The following CDH18 variants were observed in gnomAD, a reference collection of about 807,000 sequenced individuals.
The protein encoded by CDH18 is cadherin-18.
CDH18 carries 31 observed loss-of-function variants against 67.9 expected under a neutral mutation model. That is an observed-to-expected ratio of 0.46 (90% confidence interval 0.34 to 0.62). CDH18 has a LOEUF of 0.62. CDH18 is among the 20% of genes least tolerant of loss of function. The pLI is 0.01. For synonymous variants in CDH18, 362 were observed against 347.2 expected (o/e 1.04, Z -0.48); for missense variants, 890 against 975.5 (o/e 0.91, Z 1.17).
At chr5:20,368,002 G>A (rs1742661953) in intron 1 of CDH18, among the ~76,000 whole-genome samples, 2 of 152,090 alleles carry the variant, frequency 1.3e-5, no homozygotes, top group South Asian at 4.2e-4. Context: ...TGAGGGCAAA[G>A]GTACTTTTTA....
rs1329638433 is a variant in CDH18 at position 20,044,840 on chromosome 5, T to C, written c.-517-52826A>G. On this transcript the variant is annotated intron_variant, in intron 2 of 14. Coordinates refer to the CDH18 transcript ENST00000507958. ...GCCTTCCCAAGGTCATGTGTGGATA[T>C]TGGTGGATTATTATACTCAAAATAT... Among the ~76,000 whole-genome samples, 7 of 152,292 alleles carry C rather than the reference T, an allele frequency of 4.6e-5. No individual in the cohort carries two copies. The East Asian group carries it at 9.6e-4, about 21-fold the overall frequency.
intron 2 of CDH18, among the ~76,000 whole-genome samples, chr5:20,002,095 A>G (rs1736493075): frequency 6.6e-6 from 1 of 152,192 alleles, no homozygotes; most frequent in Admixed American, 6.5e-5. Flanking sequence ...TTTCCTTATC[A>G]CATTCCTCAA....
chr5:19,616,646 T>G (rs928543207), intron 5 of CDH18, among the ~76,000 whole-genome samples: 2 of 152,226 alleles, frequency 1.3e-5, no homozygotes, highest in African/African-American at 4.8e-5. Flanking sequence ...CCCAGAAATT[T>G]TGATTTAGTA....
At chr5:19,729,937 T>C (rs1035275894) in intron 4 of CDH18, among the ~76,000 whole-genome samples, 3 of 152,152 alleles carry the variant, frequency 2.0e-5, no homozygotes, top group African/African-American at 7.2e-5. Context: ...AAGTTATAGA[T>C]GGAAACTGAA....
At chr5:20,345,878 C>A (rs893559190) in intron 1 of CDH18, among the ~76,000 whole-genome samples, 1 of 152,000 alleles carries the variant, frequency 6.6e-6, no homozygotes, top group African/African-American at 2.4e-5. Context: ...CGGGGGCCAC[C>A]CTCAAAAAAG....
intron 2 of CDH18, among the ~76,000 whole-genome samples, chr5:19,911,494 T>C (rs1791141249): frequency 6.6e-6 from 1 of 152,120 alleles, no homozygotes; most frequent in Non-Finnish European, 1.5e-5. Flanking sequence ...AATTGGATGA[T>C]ATTTGGAAAT....
chr5:20,496,046 T>C (rs1338944901), intron 1 of CDH18, among the ~76,000 whole-genome samples: 4 of 151,998 alleles, frequency 2.6e-5, no homozygotes, highest in Non-Finnish European at 4.4e-5. Context: ...ATTATTGAGT[T>C]GAGAAGAGAA....
chr5:20,303,248 G>C (rs565148822), intron 1 of CDH18, among the ~76,000 whole-genome samples: 6 of 152,140 alleles, frequency 3.9e-5, no homozygotes, highest in African/African-American at 1.4e-4. Context: ...CATTTCGTAA[G>C]GGTTCACTCT....
At chr5:20,339,066 C>G (rs1740028489) in intron 1 of CDH18, among the ~76,000 whole-genome samples, 1 of 152,136 alleles carries the variant, frequency 6.6e-6, no homozygotes, top group Admixed American at 6.6e-5. Flanking sequence ...CCCAAGGACA[C>G]TCTGAATGGG....
rs1554024291 is a variant in CDH18, at chr5:19,755,427, G to GTGTATATATATA, written c.229-8192_229-8191insTATATATATACA. Among the ~76,000 whole-genome samples, 150 of 44,658 alleles carry GTGTATATATATA rather than the reference G, an allele frequency of 3.4e-3. 1 individual carries two copies. The highest frequency in any genetic ancestry group is 9.3e-3 in the African/African-American group (145 of 15,674). 29.3% of individuals were successfully genotyped at this position (44,658 alleles called of 152,430 possible). On this transcript the variant is annotated intron_variant, in intron 3 of 12. Coordinates refer to ENST00000382275, the MANE Select transcript of CDH18 (RefSeq NM_004934.5). The stretch of plus-strand genomic sequence containing the variant: ...TCTCTAGAGGGACAGAACTAACAGG[G>GTGTATATATATA]TATGTATATATATATATATATATAT...
At chr5:20,231,434 C>A (rs544902490) in intron 2 of CDH18, among the ~76,000 whole-genome samples, 1 of 152,004 alleles carries the variant, frequency 6.6e-6, no homozygotes, top group South Asian at 2.1e-4. Context: ...AACCCCGTCT[C>A]TACTAAAAAT....
chr5:19,773,827 A>G (rs1225676464), intron 3 of CDH18, among the ~76,000 whole-genome samples: 1 of 152,182 alleles, frequency 6.6e-6, no homozygotes, highest in Non-Finnish European at 1.5e-5. Context: ...GAACTATAAA[A>G]CCTAAAAGGA....
rs1737585348 is a variant in CDH18 at position 20,317,536 on chromosome 5, A to G, written c.-579-62031T>C. 2.6e-5 allele frequency among the ~76,000 whole-genome samples: 4 copies of G among 152,260 alleles called. No homozygotes were observed. In the South Asian group the frequency reaches 8.3e-4, roughly 32 times the overall value. On this transcript the variant is annotated intron_variant, in intron 1 of 14. Coordinates refer to the CDH18 transcript ENST00000507958. ...CACATATCTATATGGGGGCAAAATC[A>G]TCTTTCATTGTTTTACATAAACAAT...
At chr5:19,758,690 A>G (rs1771952232) in intron 3 of CDH18, among the ~76,000 whole-genome samples, 1 of 152,238 alleles carries the variant, frequency 6.6e-6, no homozygotes, top group African/African-American at 2.4e-5. Context: ...AGGAGGTGCC[A>G]AATGCAGCAA....
chr5:20,368,006 C>A (rs76208329), intron 1 of CDH18, among the ~76,000 whole-genome samples: 2,538 of 152,172 alleles, frequency 0.017, 27 homozygotes, highest in Admixed American at 0.023. Context: ...GGCAAAGGTA[C>A]TTTTTATATT....
chr5:20,133,117 T>C (rs1288495415), intron 2 of CDH18, among the ~76,000 whole-genome samples: 1 of 152,224 alleles, frequency 6.6e-6, no homozygotes, highest in Non-Finnish European at 1.5e-5. Context: ...GCAGGCTTTC[T>C]GGCATTGAAT....
intron 1 of CDH18, among the ~76,000 whole-genome samples, chr5:20,438,083 C>T (rs1278118156): frequency 6.6e-6 from 1 of 150,998 alleles, no homozygotes; most frequent in African/African-American, 2.4e-5. Flanking sequence ...ATTCCATTGC[C>T]TTAGTATCAA....
chr5:20,466,866 CCA>C (rs930768103), intron 1 of CDH18, among the ~76,000 whole-genome samples: 6 of 152,132 alleles, frequency 3.9e-5, no homozygotes, highest in African/African-American at 1.4e-4. Flanking sequence ...TGGTTTTTTA[CCA>C]CTTACTTAAT....
intron 2 of CDH18, among the ~76,000 whole-genome samples, chr5:19,895,492 C>G (rs1310087902): frequency 1.3e-5 from 2 of 152,088 alleles, no homozygotes; most frequent in South Asian, 2.1e-4. Context: ...CCAAACGACC[C>G]AGCAATTTCA....
Sources: allele counts gnomAD v4.1 joint callset (sites outside exome capture counted in the v4.1 genomes callset), GRCh38; gene constraint gnomAD v4.1.1; transcripts MANE v1.5; gene names NCBI Gene and HGNC (gene_info 2026-07-23, HGNC 2026-07-21).